SLC25A10: variants seen among roughly 807,000 people sequenced by gnomAD.
SLC25A10 encodes the protein mitochondrial dicarboxylate carrier.
Under a neutral mutation model 40.4 loss-of-function variants are expected in SLC25A10, and 32 were observed. The observed-to-expected ratio is 0.79, with a 90% confidence interval of 0.60 to 1.06. The LOEUF is 1.06. Ranked by LOEUF, SLC25A10 falls within the 50% of genes least tolerant of loss-of-function variation. SLC25A10 has a pLI of 0.00. For missense variants in SLC25A10, 394 were observed against 402.6 expected (o/e 0.98, Z 0.18); for synonymous variants, 181 against 171.1 (o/e 1.06, Z -0.45).
At chr17:81,716,760 G>A in intron 5 of SLC25A10, 52 bp from the exon 6 acceptor site, 1 of 1,569,640 alleles carries the variant, frequency 6.4e-7, no homozygotes, top group Non-Finnish European at 8.6e-7. Flanking sequence ...GACCCTCTGT[G>A]GGAGCCGGTG....
At chr17:81,712,967 A>G (rs2037412745) in intron 1 of SLC25A10, among the ~76,000 whole-genome samples, 1 of 152,136 alleles carries the variant, frequency 6.6e-6, no homozygotes, top group African/African-American at 2.4e-5. Flanking sequence ...GGTGTGGGCC[A>G]AGCCGCCCCC....
chr17:81,712,923 G>C (rs1482969040), intron 1 of SLC25A10, among the ~76,000 whole-genome samples: 1 of 152,232 alleles, frequency 6.6e-6, no homozygotes, highest in Non-Finnish European at 1.5e-5. Flanking sequence ...ACAGGTGTTG[G>C]CATCTAGAGA....
In SLC25A10 at chr17:81,720,343, C is replaced by T. The variant is rs76229678; in HGVS notation, c.*266C>T. The T allele has an allele frequency of 2.8e-6, 4 of 1,424,934 alleles. No individual in the cohort carries two copies. The highest frequency in any genetic ancestry group is 3.7e-6 in the Non-Finnish European group (4 of 1,095,136). The allele number at this position is 1,424,934 out of a possible 1,614,324, so 88.3% of individuals were successfully genotyped here. ...CTTGCCCCTCTCCCGCTGGCAGCTC[C>T]TCAGGGGAACAGGGGCTACCAGAGG... On this transcript the variant is annotated 3_prime_UTR_variant, in exon 11 of 11. Transcript: ENST00000350690.
chr17:81,719,968 C>T lies in SLC25A10; in HGVS notation c.763-8C>T, dbSNP rs772395170. ...TCTGTGTCTCTCATTTTCCCTGTCT[C>T]CCTCCAGGGCCTCGTCCCAGCTGGC... On this transcript the variant is annotated splice_polypyrimidine_tract_variant and splice_region_variant and intron_variant, in intron 10 of 10. Coordinates refer to ENST00000350690, the MANE Select transcript of SLC25A10 (RefSeq NM_012140.5). The T allele has an allele frequency of 5.6e-5, 91 of 1,613,686 alleles. No individual in the cohort carries two copies. The highest frequency in any genetic ancestry group is 6.9e-5 in the Non-Finnish European group (82 of 1,180,046).
Position 81,712,373 on chromosome 17 carries a change from G to C in SLC25A10, c.-54G>C. 1 of 1,139,620 alleles carries C rather than the reference G, an allele frequency of 8.8e-7. No individual in the cohort carries two copies. Among genetic ancestry groups the C allele is most frequent in the South Asian group, 3.8e-5 (1 of 26,142 alleles). 70.6% of individuals were successfully genotyped at this position (1,139,620 alleles called of 1,614,324 possible). A position where few individuals can be genotyped will look rare whatever the true frequency, so the allele number is the denominator to read the frequency against. Reference sequence around the variant, plus strand: ...CGGGGCGCTGCGGCCGGTACACGCCGGGGTAGGGCCGGGGTCGGGTTGTGG... The same window carrying C: ...CGGGGCGCTGCGGCCGGTACACGCCCGGGTAGGGCCGGGGTCGGGTTGTGG... On this transcript the variant is annotated 5_prime_UTR_variant, in exon 1 of 11. Transcript: ENST00000350690.
In SLC25A10 at chr17:81,718,763, A is replaced by G. The variant is rs1568232325; in HGVS notation, c.705+902A>G. Among the ~76,000 whole-genome samples, 6 of 150,608 alleles carry G rather than the reference A, an allele frequency of 4.0e-5. No individual in the cohort carries two copies. In the South Asian group the frequency reaches 1.1e-3, roughly 27 times the overall value. On this transcript the variant is annotated intron_variant, in intron 9 of 10. Coordinates refer to ENST00000350690, the MANE Select transcript of SLC25A10 (RefSeq NM_012140.5). ...GGAGTTGGAGACCAGCCTGACCAAC[A>G]TGGTGAAACCCCGTCTCTACTAAAA...
At chr17:81,712,568 G>C in intron 1 of SLC25A10, 49 bp downstream of exon 1, 2 of 1,176,016 alleles carry the variant, frequency 1.7e-6, no homozygotes, top group Non-Finnish European at 2.1e-6. Context: ...TGGCGCCGCC[G>C]AGACGCCTGC....
chr17:81,719,080 CG>C (rs1568232557), intron 9 of SLC25A10, among the ~76,000 whole-genome samples: 1 of 149,926 alleles, frequency 6.7e-6, no homozygotes, highest in Non-Finnish European at 1.5e-5. Flanking sequence ...TACAGGCGCC[CG>C]CCACCATGCC....
At chr17:81,716,089 A>C (rs2037481119) in intron 5 of SLC25A10, 39 bp downstream of exon 5, 2 of 1,574,946 alleles carry the variant, frequency 1.3e-6, no homozygotes, top group African/African-American at 1.4e-5. Flanking sequence ...GTTGAGGTGC[A>C]GGAGGCTCGG....
intron 2 of SLC25A10, among the ~76,000 whole-genome samples, 154 bp downstream of exon 2, chr17:81,715,226 C>T (rs2037460482): frequency 6.6e-6 from 1 of 152,258 alleles, no homozygotes. Flanking sequence ...CATGGGCACC[C>T]ACCCAGTTTG....
chr17:81,712,346 C>A lies in SLC25A10; in HGVS notation c.-81C>A. 1 of 965,022 alleles carries A rather than the reference C, an allele frequency of 1.0e-6. No homozygotes were observed. Among genetic ancestry groups the A allele is most frequent in the Non-Finnish European group, 1.3e-6 (1 of 757,036 alleles). 59.8% of individuals were successfully genotyped at this position (965,022 alleles called of 1,614,324 possible). A position where few individuals can be genotyped will look rare whatever the true frequency, so the allele number is the denominator to read the frequency against. ...TTTGAACCGGGCGCGGGGCGCGGGG[C>A]GCGGGGCGCTGCGGCCGGTACACGC... is the stretch of plus-strand genomic sequence containing the variant. On this transcript the variant is annotated 5_prime_UTR_variant, in exon 1 of 11. Coordinates refer to ENST00000350690, the MANE Select transcript of SLC25A10 (RefSeq NM_012140.5).
At chr17:81,716,089 A>T in intron 5 of SLC25A10, 39 bp downstream of exon 5, 1 of 1,575,064 alleles carries the variant, frequency 6.3e-7, no homozygotes. Flanking sequence ...GTTGAGGTGC[A>T]GGAGGCTCGG....
intron 1 of SLC25A10, among the ~76,000 whole-genome samples, chr17:81,714,482 C>T (rs997251491): frequency 3.9e-5 from 6 of 152,346 alleles, no homozygotes; most frequent in African/African-American, 1.4e-4. Flanking sequence ...TCAAGGCCTT[C>T]TATGGCTACC....
rs1387080701 is a variant in SLC25A10, at chr17:81,714,892, G to T, written c.94-61G>T. 5 of 1,585,176 alleles carry T rather than the reference G, an allele frequency of 3.2e-6. No homozygotes were observed. The East Asian group carries it at 1.1e-4, about 36-fold the overall frequency. On this transcript the variant is annotated intron_variant, in intron 1 of 10. Coordinates refer to ENST00000350690, the MANE Select transcript of SLC25A10 (RefSeq NM_012140.5). ...TCCTGCCTCAGTTTCCCCCTCTCTG[G>T]ATGAACCTGGCACCGATCCCTCGGG...
intron 7 of SLC25A10, 113 bp downstream of exon 7, chr17:81,717,185 A>C: frequency 8.4e-7 from 1 of 1,193,372 alleles, no homozygotes; most frequent in Non-Finnish European, 1.2e-6. Context: ...GGGAGCCACC[A>C]GCTGTGACCT....
At position 81,715,534 on chromosome 17, in the gene SLC25A10, C is replaced by T. The variant is rs763482101; in HGVS notation, c.270C>T (p.Ala90=). The change falls in exon 3 of 11, where the codon GCC becomes GCT. Residue 90 remains alanine, a synonymous_variant. Transcript: ENST00000350690. ...ACGAGACTGTGCGGGACCGTGTGGC[C>T]AAGGGCAGCCAGGGGCCTCTCCCCT... ...AIYETVRDRV[A]KGSQGPLPFH... The T allele has an allele frequency of 1.4e-5, 22 of 1,612,806 alleles. No homozygotes were observed. Among genetic ancestry groups the T allele is most frequent in the Non-Finnish European group, 7.6e-6 (9 of 1,179,870 alleles).
intron 5 of SLC25A10, 57 bp downstream of exon 5, chr17:81,716,107 C>T (rs2037481555): frequency 6.5e-7 from 1 of 1,540,326 alleles, no homozygotes; most frequent in Non-Finnish European, 8.8e-7. Context: ...CGGGCGGGAG[C>T]GGACCCCTGG....
chr17:81,715,440 G>A (rs1211688681), intron 2 of SLC25A10, 38 bp from the exon 3 acceptor site: 11 of 1,545,498 alleles, frequency 7.1e-6, no homozygotes, highest in Non-Finnish European at 9.8e-6. Context: ...GGGGTGTGGG[G>A]CGTGCCCGTC....
At position 81,719,982 on chromosome 17, in the gene SLC25A10, G is replaced by C. The variant is rs766942432; in HGVS notation, c.769G>C (p.Val257Leu). Residue 257 changes from valine (V) to leucine (L), a missense_variant, in exon 11 of 11, where the codon GTC (valine) becomes CTC (leucine). Physicochemically the swap from Val to Leu is conservative, Grantham distance 32 (BLOSUM62 1). Coordinates refer to ENST00000350690, the MANE Select transcript of SLC25A10 (RefSeq NM_012140.5). ...TTTCCCTGTCTCCCTCCAGGGCCTC[G>C]TCCCAGCTGGCATCCGCCTCATCCC... ...LGPLAFYKGLVPAGIRLIPHT... is the reference protein window; with the variant it reads ...LGPLAFYKGLLPAGIRLIPHT... 1.2e-6 allele frequency: 2 copies of C among 1,613,774 alleles called. No homozygotes were observed. Among genetic ancestry groups the C allele is most frequent in the Non-Finnish European group, 1.7e-6 (2 of 1,180,038 alleles).
Sources: allele counts gnomAD v4.1 joint callset (sites outside exome capture counted in the v4.1 genomes callset), GRCh38; gene constraint gnomAD v4.1.1; transcripts MANE v1.5; gene names NCBI Gene and HGNC (gene_info 2026-07-23, HGNC 2026-07-21).